NELL1: variants seen among roughly 807,000 people sequenced by gnomAD.
NELL1 encodes the protein protein kinase C-binding protein NELL1.
NELL1 carries 76 observed loss-of-function variants against 107.4 expected under a neutral mutation model. The ratio of observed to expected loss-of-function variants is 0.71; its 90% confidence interval spans 0.59 to 0.86. NELL1 has a LOEUF of 0.86. Ranked by LOEUF, NELL1 falls within the 40% of genes least tolerant of loss-of-function variation. The pLI is 0.00. For missense variants in NELL1, 1,024 were observed against 1,005.5 expected (o/e 1.02, Z -0.25); for synonymous variants, 353 against 341.2 (o/e 1.03, Z -0.38).
At chr11:21,031,617 T>G (rs1449868232) in intron 12 of NELL1, among the ~76,000 whole-genome samples, 1 of 152,214 alleles carries the variant, frequency 6.6e-6, no homozygotes, top group Non-Finnish European at 1.5e-5. Context: ...TAGCACTTTG[T>G]AAATTTTAGA....
chr11:20,917,255 A>G (rs1445300909), intron 5 of NELL1, among the ~76,000 whole-genome samples: 2 of 151,984 alleles, frequency 1.3e-5, no homozygotes, highest in African/African-American at 4.8e-5. Context: ...AGGTTAATAA[A>G]CATATAATTC....
At chr11:20,866,472 G>A (rs767384544) in intron 4 of NELL1, among the ~76,000 whole-genome samples, 2 of 152,150 alleles carry the variant, frequency 1.3e-5, no homozygotes, top group Non-Finnish European at 1.5e-5. Context: ...AAAGTTATGT[G>A]GTCCAAAAGG....
intron 15 of NELL1, among the ~76,000 whole-genome samples, chr11:21,419,791 AAATT>A (rs1430249252): frequency 2.0e-5 from 3 of 152,178 alleles, no homozygotes; most frequent in South Asian, 2.1e-4. Flanking sequence ...TATGATAGAG[AAATT>A]AATTCATACG....
At chr11:21,459,775 T>C (rs1265934579) in intron 15 of NELL1, among the ~76,000 whole-genome samples, 2 of 151,880 alleles carry the variant, frequency 1.3e-5, no homozygotes, top group Non-Finnish European at 2.9e-5. Context: ...ATGATGAAAA[T>C]GTGAGGTAGA....
chr11:20,749,933 T>G (rs1393633504), intron 2 of NELL1, among the ~76,000 whole-genome samples: 1 of 152,206 alleles, frequency 6.6e-6, no homozygotes, highest in Non-Finnish European at 1.5e-5. Flanking sequence ...TTCCATTGTA[T>G]GAAAATATTA....
intron 13 of NELL1, among the ~76,000 whole-genome samples, chr11:21,179,891 A>G (rs1856793456): frequency 5.2e-5 from 1 of 19,388 alleles, no homozygotes. Flanking sequence ...TTTTTTTGTA[A>G]AGGTCTAGCA....
chr11:21,199,406 C>T (rs1394813938), intron 13 of NELL1, among the ~76,000 whole-genome samples: 3 of 152,160 alleles, frequency 2.0e-5, no homozygotes, highest in African/African-American at 7.2e-5. Flanking sequence ...TTTTAATACA[C>T]ATTCCCAGGA....
intron 15 of NELL1, 138 bp downstream of exon 15, chr11:21,371,086 C>A (rs1412148182): frequency 1.6e-6 from 1 of 633,036 alleles, no homozygotes; most frequent in African/African-American, 1.9e-5. Context: ...ATGGAGCTCT[C>A]CCAAAGTGGG....
At chr11:21,099,218 C>G (rs199789306) in intron 12 of NELL1, among the ~76,000 whole-genome samples, 1 of 142,928 alleles carries the variant, frequency 7.0e-6, no homozygotes, top group South Asian at 2.3e-4. Context: ...CACACACACA[C>G]ACACACACAC....
chr11:21,339,183 T>C (rs1459461102), intron 14 of NELL1, among the ~76,000 whole-genome samples: 1 of 152,186 alleles, frequency 6.6e-6, no homozygotes, highest in East Asian at 1.9e-4. Flanking sequence ...TGTAATTAAG[T>C]TCATATAAAA....
intron 3 of NELL1, among the ~76,000 whole-genome samples, chr11:20,814,288 C>G (rs550872766): frequency 1.3e-5 from 2 of 152,226 alleles, no homozygotes; most frequent in South Asian, 4.1e-4. Flanking sequence ...GCCACCACAC[C>G]CAGCCTAAAA....
chr11:20,697,375 G>T (rs1024946047), intron 2 of NELL1, among the ~76,000 whole-genome samples: 1 of 147,976 alleles, frequency 6.8e-6, no homozygotes, highest in Non-Finnish European at 1.5e-5. Context: ...ATGCATGAGT[G>T]CAAATTCTTT....
intron 12 of NELL1, among the ~76,000 whole-genome samples, chr11:21,010,859 T>G (rs1422898716): frequency 6.6e-6 from 1 of 152,156 alleles, no homozygotes; most frequent in Non-Finnish European, 1.5e-5. Context: ...TGTCACCTTG[T>G]AAAGTACTGT....
intron 14 of NELL1, among the ~76,000 whole-genome samples, chr11:21,286,947 G>C (rs183514751): frequency 3.1e-4 from 47 of 152,316 alleles, no homozygotes; most frequent in Admixed American, 1.7e-3. Context: ...TGTGATAACT[G>C]TACCTGCCTT....
At chr11:20,918,890 T>G (rs2134160169) in intron 6 of NELL1, among the ~76,000 whole-genome samples, 1 of 152,132 alleles carries the variant, frequency 6.6e-6, no homozygotes, top group African/African-American at 2.4e-5. Flanking sequence ...TAATATATAT[T>G]TTTAAAAACT....
chr11:20,798,472 A>G (rs534720464), intron 3 of NELL1, among the ~76,000 whole-genome samples: 1 of 151,778 alleles, frequency 6.6e-6, no homozygotes, highest in South Asian at 2.1e-4. Flanking sequence ...TTTGCATAAA[A>G]TCATTTAAGC....
Position 21,575,094 on chromosome 11 carries a change from G to GTAGTT in NELL1, c.*74_*78dup. ...CCAACGTGATTAAGGATAGGAATCG[G>GTAGTT]TAGTTTGGTTTTTTTGTTTGTTTTG... On this transcript the variant is annotated 3_prime_UTR_variant, in exon 20 of 20. Transcript: ENST00000357134. 1 of 1,339,182 alleles carries GTAGTT rather than the reference G, an allele frequency of 7.5e-7. No individual in the cohort carries two copies. Among genetic ancestry groups the GTAGTT allele is most frequent in the Non-Finnish European group, 1.1e-6 (1 of 935,946 alleles). The allele number at this position is 1,339,182 out of a possible 1,614,324, so 83.0% of individuals were successfully genotyped here. A position where few individuals can be genotyped will look rare whatever the true frequency, so the allele number is the denominator to read the frequency against.
intron 4 of NELL1, among the ~76,000 whole-genome samples, chr11:20,850,647 T>C (rs1848778998): frequency 6.6e-6 from 1 of 152,154 alleles, no homozygotes; most frequent in Non-Finnish European, 1.5e-5. Context: ...CTTTATTTGG[T>C]ACATGAGGGA....
chr11:21,325,699 G>A (rs928105786), intron 14 of NELL1, among the ~76,000 whole-genome samples: 1 of 151,856 alleles, frequency 6.6e-6, no homozygotes, highest in Non-Finnish European at 1.5e-5. Context: ...TATGAAAAGT[G>A]TATTCAATTG....
Sources: allele counts gnomAD v4.1 joint callset (sites outside exome capture counted in the v4.1 genomes callset), GRCh38; gene constraint gnomAD v4.1.1; transcripts MANE v1.5; gene names NCBI Gene and HGNC (gene_info 2026-07-23, HGNC 2026-07-21).